GALNT13: variants seen among roughly 807,000 people sequenced by gnomAD.
The protein encoded by GALNT13 is UDP-GalNAc:polypeptide N-acetylgalactosaminyltransferase 13.
GALNT13 carries 28 observed loss-of-function variants against 64.2 expected under a neutral mutation model. The observed-to-expected ratio is 0.44, with a 90% CI of 0.32 to 0.60. The LOEUF is 0.60. GALNT13 is among the 20% of genes least tolerant of loss of function. The probability of loss-of-function intolerance (pLI) is 0.05; values close to 1 mark genes in which losing one functional copy is unlikely to be tolerated. For missense variants in GALNT13, 577 were observed against 669.8 expected (o/e 0.86, Z 1.53); for synonymous variants, 214 against 224.6 (o/e 0.95, Z 0.42).
At chr2:154,384,799 A>G (rs1698429683) in intron 9 of GALNT13, among the ~76,000 whole-genome samples, 1 of 151,964 alleles carries the variant, frequency 6.6e-6, no homozygotes, top group African/African-American at 2.4e-5. Context: ...ATTCAGTATT[A>G]TGCCGAGGAT....
chr2:154,224,973 A>G (rs1399318234), intron 4 of GALNT13, among the ~76,000 whole-genome samples: 1 of 152,068 alleles, frequency 6.6e-6, no homozygotes, highest in Non-Finnish European at 1.5e-5. Flanking sequence ...TCGCAGATGG[A>G]GTGCTAATAT....
At chr2:153,827,946 GC>G in the GALNT13 span, among the ~76,000 whole-genome samples, 1 of 152,200 alleles carries the variant, frequency 6.6e-6, no homozygotes, top group Non-Finnish European at 1.5e-5. Flanking sequence ...AAACAAGGGG[GC>G]TACAGGCCCC....
At chr2:153,688,323 A>AGAAGTTT in the GALNT13 span, among the ~76,000 whole-genome samples, 2 of 151,928 alleles carry the variant, frequency 1.3e-5, no homozygotes, top group African/African-American at 4.8e-5. Context: ...TTGGGAGAAA[A>AGAAGTTT]CTTTCATAGA....
intron 7 of GALNT13, among the ~76,000 whole-genome samples, chr2:154,249,367 A>G (rs1689950863): frequency 6.6e-6 from 1 of 152,142 alleles, no homozygotes; most frequent in Non-Finnish European, 1.5e-5. Flanking sequence ...GAAAGAGTCT[A>G]GTGTAAATGG....
chr2:154,164,008 C>T (rs1684884884), intron 4 of GALNT13, among the ~76,000 whole-genome samples: 1 of 152,134 alleles, frequency 6.6e-6, no homozygotes, highest in Admixed American at 6.5e-5. Flanking sequence ...GATATAAACT[C>T]TTCCTAATTA....
At chr2:153,156,900 G>T in the GALNT13 span, among the ~76,000 whole-genome samples, 1 of 152,088 alleles carries the variant, frequency 6.6e-6, no homozygotes, top group Non-Finnish European at 1.5e-5. Context: ...GACAAGGCAC[G>T]GCATTAACTG....
chr2:154,439,607 A>G (rs1701179601), intron 12 of GALNT13, among the ~76,000 whole-genome samples: 1 of 152,230 alleles, frequency 6.6e-6, no homozygotes, highest in African/African-American at 2.4e-5. Flanking sequence ...TTCTACAAGA[A>G]TAACATTTTA....
intron 9 of GALNT13, among the ~76,000 whole-genome samples, chr2:154,310,596 C>T (rs370311798): frequency 6.6e-6 from 1 of 151,826 alleles, no homozygotes; most frequent in African/African-American, 2.4e-5. Context: ...TTAATCATGC[C>T]AATATTGATA....
At chr2:153,617,895 G>T in the GALNT13 span, among the ~76,000 whole-genome samples, 1 of 151,752 alleles carries the variant, frequency 6.6e-6, no homozygotes, top group East Asian at 1.9e-4. Context: ...GATATCAGTT[G>T]TAATGTCTCC....
chr2:153,489,738 G>A, the GALNT13 span, among the ~76,000 whole-genome samples: 4 of 152,102 alleles, frequency 2.6e-5, no homozygotes, highest in Non-Finnish European at 4.4e-5. Context: ...AGGTGTATAC[G>A]AATGGTTCCT....
At chr2:154,057,980 C>T (rs184296047) in intron 3 of GALNT13, among the ~76,000 whole-genome samples, 1 of 152,338 alleles carries the variant, frequency 6.6e-6, no homozygotes, top group Non-Finnish European at 1.5e-5. Context: ...AGTCATTGCA[C>T]TTGAGTCCCA....
chr2:153,879,809 T>A (rs886943530), intron 1 of GALNT13, among the ~76,000 whole-genome samples: 3 of 152,182 alleles, frequency 2.0e-5, no homozygotes, highest in African/African-American at 4.8e-5. Context: ...GGAAAATTTT[T>A]AAAAAGTTTA....
At chr2:153,121,494 A>T in the GALNT13 span, among the ~76,000 whole-genome samples, 1 of 152,126 alleles carries the variant, frequency 6.6e-6, no homozygotes, top group East Asian at 1.9e-4. Context: ...GCTGGTACAG[A>T]TGTTTTTCAT....
intron 3 of GALNT13, among the ~76,000 whole-genome samples, chr2:153,970,943 CAG>C (rs745510146): frequency 6.6e-6 from 1 of 152,160 alleles, no homozygotes; most frequent in Non-Finnish European, 1.5e-5. Context: ...CCCCAATACT[CAG>C]AGTAGAAACA....
At chr2:153,125,814 A>G in the GALNT13 span, among the ~76,000 whole-genome samples, 8 of 152,152 alleles carry the variant, frequency 5.3e-5, no homozygotes, top group Non-Finnish European at 1.0e-4. Flanking sequence ...TGAACTTAGA[A>G]TATCTTTAAT....
chr2:153,459,005 C>G, the GALNT13 span, among the ~76,000 whole-genome samples: 1 of 152,032 alleles, frequency 6.6e-6, no homozygotes, highest in Non-Finnish European at 1.5e-5. Context: ...TCCACTGTCT[C>G]CCTCCCTCCA....
the GALNT13 span, among the ~76,000 whole-genome samples, chr2:153,125,899 T>C: frequency 6.6e-6 from 1 of 152,126 alleles, no homozygotes; most frequent in Non-Finnish European, 1.5e-5. Flanking sequence ...AGTATAGTCA[T>C]TTGAGGATAA....
the GALNT13 span, among the ~76,000 whole-genome samples, chr2:153,483,075 A>T: frequency 6.6e-6 from 1 of 152,206 alleles, no homozygotes; most frequent in African/African-American, 2.4e-5. Flanking sequence ...CTTGGTGAGT[A>T]AAAAATGCTA....
the GALNT13 span, among the ~76,000 whole-genome samples, chr2:153,075,706 T>C: frequency 3.3e-5 from 5 of 152,288 alleles, no homozygotes; most frequent in East Asian, 9.6e-4. Context: ...AAACAAGATA[T>C]GTCCAGAAAA....
Sources: allele counts gnomAD v4.1 joint callset (sites outside exome capture counted in the v4.1 genomes callset), GRCh38; gene constraint gnomAD v4.1.1; transcripts MANE v1.5; gene names NCBI Gene and HGNC (gene_info 2026-07-23, HGNC 2026-07-21).